The following PRKAR1B variants were observed in gnomAD, a reference collection of about 807,000 sequenced individuals.
PRKAR1B encodes cAMP-dependent protein kinase type I-beta regulatory subunit.
A neutral mutation model predicts 46.5 loss-of-function variants in PRKAR1B; 22 were observed. The observed-to-expected ratio is 0.47, with a 90% CI of 0.34 to 0.68. PRKAR1B has a LOEUF of 0.68. Among genes scored for constraint, PRKAR1B ranks in the 30% least tolerant of loss-of-function variants. The pLI is 0.01. For synonymous variants in PRKAR1B, 259 were observed against 217.7 expected, an observed-to-expected ratio of 1.19 and a Z score of -1.67; for missense variants, 445 against 535.6, an observed-to-expected ratio of 0.83 and a Z score of 1.67.
chr7:645,122 G>A (rs530629882), intron 4 of PRKAR1B, among the ~76,000 whole-genome samples: 1 of 152,196 alleles, frequency 6.6e-6, no homozygotes, highest in Admixed American at 6.5e-5. Context: ...CACACCCCTC[G>A]CGGAGGCCAG....
chr7:661,407 AC>A (rs1785554024), intron 4 of PRKAR1B, among the ~76,000 whole-genome samples: 1 of 5,936 alleles, frequency 1.7e-4, no homozygotes, highest in Non-Finnish European at 3.1e-4. Context: ...CTCTCCCCCC[AC>A]CATGGCACAG....
chr7:710,693 T>C (rs1484894520), intron 2 of PRKAR1B, among the ~76,000 whole-genome samples: 2 of 149,498 alleles, frequency 1.3e-5, no homozygotes, highest in Non-Finnish European at 3.0e-5. Context: ...TCGCCCAGGC[T>C]GGAGTGCAGT....
intron 9 of PRKAR1B, among the ~76,000 whole-genome samples, chr7:571,769 C>T (rs1050488391): frequency 7.2e-5 from 11 of 152,154 alleles, no homozygotes; most frequent in African/African-American, 2.4e-4. Flanking sequence ...GCGCAGGGAA[C>T]CTGAGATGGT....
intron 4 of PRKAR1B, among the ~76,000 whole-genome samples, chr7:676,065 T>C (rs1239636104): frequency 1.3e-5 from 2 of 152,016 alleles, no homozygotes; most frequent in South Asian, 2.1e-4. Context: ...TGGAAAGGTG[T>C]TGAGGACGCC....
intron 7 of PRKAR1B, among the ~76,000 whole-genome samples, chr7:585,517 G>A (rs772091033): frequency 2.0e-5 from 3 of 152,144 alleles, no homozygotes; most frequent in East Asian, 1.9e-4. Flanking sequence ...TAGGGTGTAC[G>A]CCGGGATGTG....
rs964178560 is a variant in PRKAR1B at position 666,584 on chromosome 7, T to C, written c.440+10645A>G. ...CCCCACTCCAGCCCCAGCTGGACAATTGCTGTGTGGGTCAGTGCAACAGGC... is the reference window on the plus strand; with the variant it reads ...CCCCACTCCAGCCCCAGCTGGACAACTGCTGTGTGGGTCAGTGCAACAGGC... On this transcript the variant is annotated intron_variant, in intron 4 of 10. Transcript: ENST00000537384. The surrounding 1 kb of genome is among the most constrained non-coding windows in gnomAD (Gnocchi z 4.9). Among the ~76,000 whole-genome samples the C allele has an allele frequency of 3.3e-5, 5 of 152,214 alleles. No homozygotes were observed. Among genetic ancestry groups the C allele is most frequent in the Non-Finnish European group, 5.9e-5 (4 of 67,998 alleles).
At position 584,577 on chromosome 7, in the gene PRKAR1B, G is replaced by A; in HGVS notation, c.709-9C>T. 1 of 1,612,224 alleles carries A rather than the reference G, an allele frequency of 6.2e-7. No individual in the cohort carries two copies. The highest frequency in any genetic ancestry group is 8.5e-7 in the Non-Finnish European group (1 of 1,178,968). On this transcript the variant is annotated splice_polypyrimidine_tract_variant and intron_variant, in intron 7 of 10. Coordinates refer to ENST00000537384, the MANE Select transcript of PRKAR1B (RefSeq NM_001164760.2). ...TTCCTCAGCGTGCTGCCCTGTTCGG[G>A]AGAAAGTAAAAAACAGACAAGAAGG...
chr7:614,502 C>T (rs1583304929), intron 4 of PRKAR1B, among the ~76,000 whole-genome samples: 1 of 152,216 alleles, frequency 6.6e-6, no homozygotes, highest in South Asian at 2.1e-4. Context: ...TGCCTGTCAT[C>T]CCAGCACTTT....
At chr7:568,853 C>T (rs572875452) in intron 9 of PRKAR1B, among the ~76,000 whole-genome samples, 4 of 152,170 alleles carry the variant, frequency 2.6e-5, no homozygotes, top group Admixed American at 2.0e-4. Flanking sequence ...ACATCTGTCT[C>T]GTCTGGGAAC....
chr7:555,470 A>G (rs1778371596), intron 9 of PRKAR1B, among the ~76,000 whole-genome samples: 1 of 152,130 alleles, frequency 6.6e-6, no homozygotes. Context: ...AATTGGAGGC[A>G]TTCTCACTCT....
At chr7:552,979 G>C (rs1335836705) in intron 9 of PRKAR1B, among the ~76,000 whole-genome samples, 1 of 152,276 alleles carries the variant, frequency 6.6e-6, no homozygotes, top group Admixed American at 6.5e-5. Flanking sequence ...CATATCACAG[G>C]GCACCGCCGC....
intron 9 of PRKAR1B, among the ~76,000 whole-genome samples, chr7:571,400 G>GGGCC (rs1779504060): frequency 1.3e-5 from 2 of 152,342 alleles, no homozygotes; most frequent in South Asian, 4.1e-4. Context: ...TTTGAACAAT[G>GGGCC]GGCCGTCCCC....
intron 4 of PRKAR1B, among the ~76,000 whole-genome samples, chr7:622,837 T>C (rs1443157425): frequency 6.6e-6 from 1 of 152,358 alleles, no homozygotes; most frequent in East Asian, 1.9e-4. Flanking sequence ...TTCTTATGTT[T>C]TTCAACATGA....
At chr7:721,448 A>G (rs1295396555) in intron 1 of PRKAR1B, among the ~76,000 whole-genome samples, 19 of 152,184 alleles carry the variant, frequency 1.2e-4, no homozygotes. Context: ...CAGGAGTTCA[A>G]GACCAGCCTG....
At chr7:676,085 G>C (rs17879130) in intron 4 of PRKAR1B, among the ~76,000 whole-genome samples, 2 of 151,922 alleles carry the variant, frequency 1.3e-5, no homozygotes, top group African/African-American at 2.4e-5. Flanking sequence ...CCCGAGTATG[G>C]GAAAACAGGG....
chr7:659,789 C>T (rs1006689398), intron 4 of PRKAR1B, among the ~76,000 whole-genome samples: 2 of 152,166 alleles, frequency 1.3e-5, no homozygotes, highest in Admixed American at 6.5e-5. Flanking sequence ...TCACTGCAGT[C>T]TCCACCTCCC....
chr7:685,261 C>CATATATACGTATATATACATAT (rs1778946753), intron 2 of PRKAR1B, among the ~76,000 whole-genome samples: 1 of 61,438 alleles, frequency 1.6e-5, no homozygotes, highest in East Asian at 4.6e-4. Flanking sequence ...TTTATATATA[C>CATATATACGTATATATACATAT]ATATATACGT....
chr7:683,723 C>T (rs1778832077), intron 2 of PRKAR1B, among the ~76,000 whole-genome samples: 1 of 152,202 alleles, frequency 6.6e-6, no homozygotes, highest in Non-Finnish European at 1.5e-5. Context: ...CAATACCGGC[C>T]TCAAGCCCCA....
chr7:726,959 G>C, intron 1 of PRKAR1B: 1 of 1,323,022 alleles, frequency 7.6e-7, no homozygotes, highest in Non-Finnish European at 9.7e-7. Flanking sequence ...CTGCTGCCGC[G>C]CTTGCTGCGC....
Sources: allele counts gnomAD v4.1 joint callset (sites outside exome capture counted in the v4.1 genomes callset), GRCh38; gene constraint gnomAD v4.1.1; non-coding constraint Gnocchi (gnomAD v3.1); transcripts MANE v1.5; gene names NCBI Gene and HGNC (gene_info 2026-07-23, HGNC 2026-07-21).